Variants in MRPL45 observed in about 807,000 individuals in gnomAD.
The protein encoded by MRPL45 is mitochondrial ribosomal protein L45.
In MRPL45, 20 loss-of-function variants were observed where a neutral mutation model predicts 38.1. The ratio of observed to expected loss-of-function variants is 0.53; its 90% CI spans 0.37 to 0.76. MRPL45 has a LOEUF of 0.76. Among genes scored for constraint, MRPL45 ranks in the 30% least tolerant of loss-of-function variants. The pLI is 0.00. For synonymous variants in MRPL45, 105 were observed against 128.8 expected, an observed-to-expected ratio of 0.82 and a Z score of 1.25; for missense variants, 337 against 395.6, an observed-to-expected ratio of 0.85 and a Z score of 1.26.
At chr17:38,316,851 G>A (rs1196489294) in intron 4 of MRPL45, among the ~76,000 whole-genome samples, 1 of 151,152 alleles carries the variant, frequency 6.6e-6, no homozygotes, top group Non-Finnish European at 1.5e-5. Flanking sequence ...AGGCTGGAGT[G>A]CAGTGGCGCG....
intron 4 of MRPL45, among the ~76,000 whole-genome samples, chr17:38,309,538 A>G (rs1323339035): frequency 7.8e-5 from 3 of 38,662 alleles, no homozygotes. Flanking sequence ...AAAAAAAAAA[A>G]AAAGATTTTT....
At chr17:38,308,469 CTTG>C (rs1309754345) in intron 4 of MRPL45, among the ~76,000 whole-genome samples, 98 of 150,260 alleles carry the variant, frequency 6.5e-4, no homozygotes, top group Non-Finnish European at 1.2e-3. Context: ...GAGATAGACT[CTTG>C]CTCTGTTGCC....
intron 3 of MRPL45, among the ~76,000 whole-genome samples, chr17:38,305,090 C>CT (rs1180444317): frequency 6.6e-6 from 1 of 151,570 alleles, no homozygotes; most frequent in Non-Finnish European, 1.5e-5. Flanking sequence ...CATGATCTGC[C>CT]TGCTTTGGCC....
intron 4 of MRPL45, among the ~76,000 whole-genome samples, chr17:38,317,573 T>A (rs547301323): frequency 6.6e-6 from 1 of 152,056 alleles, no homozygotes; most frequent in South Asian, 2.1e-4. Context: ...TTTTTTTGTT[T>A]TGTTTTGTTT....
In MRPL45 at chr17:38,322,299, G is replaced by A. The variant is rs1173097926; in HGVS notation, c.834G>A (p.Lys278=). The A allele has an allele frequency of 1.2e-6, 2 of 1,613,702 alleles. No individual in the cohort carries two copies. The highest frequency in any genetic ancestry group is 2.7e-5 in the African/African-American group (2 of 74,814). The change falls in exon 7 of 8, where the codon AAG becomes AAA. Residue 278 remains lysine, a splice_region_variant and synonymous_variant. Coordinates refer to ENST00000613675, the MANE Select transcript of MRPL45 (RefSeq NM_032351.6). ...CACCCCCTAAGCAGCCCATCCTTAAGGTAAGGTGGCTTGCATGGTTTAAGA... is the reference window on the plus strand; with the variant it reads ...CACCCCCTAAGCAGCCCATCCTTAAAGTAAGGTGGCTTGCATGGTTTAAGA... ...PWAPPKQPIL[K]TVMIPGPQLK...
chr17:38,318,745 C>T lies in MRPL45; in HGVS notation c.510+10C>T. 1 of 1,595,442 alleles carries T rather than the reference C, an allele frequency of 6.3e-7. No individual in the cohort carries two copies. On this transcript the variant is annotated intron_variant, in intron 5 of 7. Transcript: ENST00000613675. ...TGAACACTGTTTTCCAGTAAGTTCTCATCCTCCTTAGAACTGTGGGGTGAC... is the reference window on the plus strand; with the variant it reads ...TGAACACTGTTTTCCAGTAAGTTCTTATCCTCCTTAGAACTGTGGGGTGAC...
intron 3 of MRPL45, among the ~76,000 whole-genome samples, chr17:38,301,056 C>T (rs1327038478): frequency 2.0e-5 from 3 of 152,300 alleles, no homozygotes; most frequent in Admixed American, 1.3e-4. Context: ...CAGTGGTATA[C>T]AAAGCTTTTA....
chr17:38,320,517 C>T, intron 5 of MRPL45, 101 bp from the exon 6 acceptor site: 2 of 1,244,422 alleles, frequency 1.6e-6, no homozygotes, highest in Non-Finnish European at 2.3e-6. Flanking sequence ...AACGTGCTGC[C>T]TGTTGGCTGT....
At chr17:38,300,914 C>G (rs2036988698) in intron 3 of MRPL45, among the ~76,000 whole-genome samples, 1 of 151,960 alleles carries the variant, frequency 6.6e-6, no homozygotes, top group Non-Finnish European at 1.5e-5. Context: ...CCATTGCACT[C>G]CAGCCTGGGC....
chr17:38,322,668 C>A lies in MRPL45; in HGVS notation c.*73C>A. On this transcript the variant is annotated 3_prime_UTR_variant, in exon 8 of 8. Transcript: ENST00000613675. The stretch of plus-strand genomic sequence containing the variant: ...AAGCTTTGAAGTCTCCCATTCCCCT[C>A]ATGCTATAAAAAGAACTACCTTTGT... The A allele has an allele frequency of 8.5e-7, 1 of 1,171,066 alleles. No homozygotes were observed. Among genetic ancestry groups the A allele is most frequent in the Non-Finnish European group, 1.2e-6 (1 of 806,494 alleles). The allele number at this position is 1,171,066 out of a possible 1,614,324, so 72.5% of individuals were successfully genotyped here. A position where few individuals can be genotyped will look rare whatever the true frequency, so the allele number is the denominator to read the frequency against.
At chr17:38,304,632 C>G (rs1597646794) in intron 3 of MRPL45, among the ~76,000 whole-genome samples, 1 of 152,202 alleles carries the variant, frequency 6.6e-6, no homozygotes, top group East Asian at 1.9e-4. Flanking sequence ...CAACCTCTGC[C>G]TCTTGGGTTC....
intron 3 of MRPL45, among the ~76,000 whole-genome samples, chr17:38,299,968 TCCTGA>T (rs1465064219): frequency 2.0e-5 from 3 of 151,988 alleles, no homozygotes; most frequent in Admixed American, 6.6e-5. Flanking sequence ...GGTCTTGAAC[TCCTGA>T]CCTCAGGAGG....
Position 38,322,539 on chromosome 17 carries a change from C to T in MRPL45, c.865C>T (p.Pro289Ser). 6.2e-7 allele frequency: 1 copy of T among 1,613,582 alleles called. No individual in the cohort carries two copies. Among genetic ancestry groups the T allele is most frequent in the Non-Finnish European group, 8.5e-7 (1 of 1,179,962 alleles). Residue 289 changes from proline (P) to serine (S), a missense_variant, in exon 8 of 8, where the codon CCA (proline) becomes TCA (serine). By Grantham distance (74) the Pro-to-Ser change is moderately conservative. Transcript: ENST00000613675. ...TVMIPGPQLKPEEEYEEAQGE... is the reference protein window; with the variant it reads ...TVMIPGPQLKSEEEYEEAQGE... ...GATGATCCCTGGCCCTCAGCTGAAA[C>T]CAGAAGAAGAATATGAAGAGGCACA...
chr17:38,307,526 G>A (rs552778393), intron 4 of MRPL45, among the ~76,000 whole-genome samples: 10,336 of 151,516 alleles, frequency 0.068, 1,130 homozygotes, highest in African/African-American at 0.23. Flanking sequence ...ACTTTTTTTT[G>A]TAGAGACAAG....
chr17:38,317,038 T>C (rs148160385), intron 4 of MRPL45, among the ~76,000 whole-genome samples: 295 of 152,266 alleles, frequency 1.9e-3, no homozygotes, highest in African/African-American at 6.8e-3. Flanking sequence ...CCTCGTGATC[T>C]GCCCACCTTG....
At chr17:38,313,333 C>CGT (rs1230995888) in intron 4 of MRPL45, among the ~76,000 whole-genome samples, 23 of 17,256 alleles carry the variant, frequency 1.3e-3, no homozygotes, top group African/African-American at 3.2e-3. Flanking sequence ...TATATATATA[C>CGT]ATATATATAT....
chr17:38,303,450 A>G (rs1318772802), intron 3 of MRPL45, among the ~76,000 whole-genome samples: 3 of 151,590 alleles, frequency 2.0e-5, no homozygotes, highest in African/African-American at 7.3e-5. Flanking sequence ...GGTGTGTGCC[A>G]CCACACCTGG....
At chr17:38,313,258 C>T (rs898215438) in intron 4 of MRPL45, among the ~76,000 whole-genome samples, 23 of 141,234 alleles carry the variant, frequency 1.6e-4, no homozygotes, top group Admixed American at 5.8e-4. Context: ...GCTGGGATTA[C>T]AGGCGTGAGC....
In MRPL45 at chr17:38,298,165, C is replaced by G. The variant is rs550135034; in HGVS notation, c.67-284C>G. 3.9e-5 allele frequency among the ~76,000 whole-genome samples: 6 copies of G among 152,286 alleles called. No individual in the cohort carries two copies. In the East Asian group the frequency reaches 1.2e-3, roughly 29 times the overall value. ...CATCACCATCAGTTTTTGAAACTTG[C>G]TTTGATCAACTCAGTATCCGTAGGA... is the stretch of plus-strand genomic sequence containing the variant. On this transcript the variant is annotated intron_variant, in intron 1 of 7. Transcript: ENST00000613675.
Sources: gnomAD v4.1 joint callset for allele counts (sites outside exome capture counted in the v4.1 genomes callset) on GRCh38, gnomAD v4.1.1 for gene constraint, MANE v1.5 for transcripts, NCBI Gene and HGNC (gene_info 2026-07-23, HGNC 2026-07-21) for gene names.